Variants in WDFY4 observed in about 807,000 individuals in gnomAD.
The protein encoded by WDFY4 is WD repeat- and FYVE domain-containing protein 4.
Under a neutral mutation model 351.9 loss-of-function variants are expected in WDFY4, and 169 were observed. The observed-to-expected ratio is 0.48, with a 90% CI of 0.42 to 0.55. The LOEUF is 0.55. Among genes scored for constraint, WDFY4 ranks in the 20% least tolerant of loss-of-function variants. The pLI is 0.00. For synonymous variants in WDFY4, 1,622 were observed against 1,574.6 expected, an observed-to-expected ratio of 1.03 and a Z score of -0.71; for missense variants, 3,803 against 3,935.6, an observed-to-expected ratio of 0.97 and a Z score of 0.90.
chr10:48,804,598 G>A (rs1442229493), intron 25 of WDFY4: 1 of 334,864 alleles, frequency 3.0e-6, no homozygotes, highest in African/African-American at 2.3e-5. Flanking sequence ...TTCAAAGTGA[G>A]GAATCTGCCC....
chr10:48,692,137 C>A (rs1366710076), intron 1 of WDFY4, among the ~76,000 whole-genome samples: 1 of 152,224 alleles, frequency 6.6e-6, no homozygotes, highest in Non-Finnish European at 1.5e-5. Flanking sequence ...TCCACGTGGT[C>A]TCAGCCTTCG....
At chr10:48,772,736 C>T (rs894152788) in intron 13 of WDFY4, among the ~76,000 whole-genome samples, 1 of 148,826 alleles carries the variant, frequency 6.7e-6, no homozygotes, top group African/African-American at 2.5e-5. Context: ...GTGCTATTCC[C>T]CTTCCTGTGT....
chr10:48,769,943 C>T (rs1388195208), intron 13 of WDFY4, among the ~76,000 whole-genome samples: 1 of 152,242 alleles, frequency 6.6e-6, no homozygotes, highest in Non-Finnish European at 1.5e-5. Flanking sequence ...TGACCCTGTG[C>T]TCTTACCACT....
chr10:48,868,389 C>T (rs558090314), intron 40 of WDFY4, among the ~76,000 whole-genome samples: 2 of 152,210 alleles, frequency 1.3e-5, no homozygotes, highest in South Asian at 4.2e-4. Flanking sequence ...GCAGGCATGT[C>T]TAGTTTTTCT....
At chr10:48,802,828 G>T (rs772342800) in intron 24 of WDFY4, 2 of 475,300 alleles carry the variant, frequency 4.2e-6, no homozygotes, top group South Asian at 3.1e-5. Context: ...ATCTGTACCT[G>T]GCTTCTATTT....
At position 48,830,890 on chromosome 10, in the gene WDFY4, C is replaced by T. The variant is rs926350198; in HGVS notation, c.6526+5C>T. 8 of 1,549,026 alleles carry T rather than the reference C, an allele frequency of 5.2e-6. No homozygotes were observed. In the African/African-American group the frequency reaches 9.6e-5, roughly 19 times the overall value. On this transcript the variant is annotated splice_donor_5th_base_variant and intron_variant, in intron 38 of 61. Transcript: ENST00000325239. ...AGGCCTGGCAGCATTACTTAGGTCT[C>T]TATCCACTCGGCTCCAGGGAATGGG...
chr10:48,881,876 A>G (rs2070264036), intron 43 of WDFY4, among the ~76,000 whole-genome samples: 2 of 151,990 alleles, frequency 1.3e-5, no homozygotes, highest in Admixed American at 6.6e-5. Context: ...GCCCATCCCC[A>G]GCATACTCCC....
At chr10:48,955,715 G>C (rs1841555255) in intron 51 of WDFY4, among the ~76,000 whole-genome samples, 1 of 152,206 alleles carries the variant, frequency 6.6e-6, no homozygotes, top group Non-Finnish European at 1.5e-5. Context: ...TCTGAGCATG[G>C]ACCAGACATG....
chr10:48,819,018 C>G lies in WDFY4; in HGVS notation c.5506-1216C>G, dbSNP rs150405075. Among the ~76,000 whole-genome samples the G allele has an allele frequency of 7.8e-3, 1,190 of 152,316 alleles. 14 individuals carry two copies. Among genetic ancestry groups the G allele is most frequent in the African/African-American group, 0.027 (1,114 of 41,570 alleles). On this transcript the variant is annotated intron_variant, in intron 32 of 61. Coordinates refer to ENST00000325239, the MANE Select transcript of WDFY4 (RefSeq NM_001394531.1). ...CAGATGCCCAGCTCAGCCCCCATGC[C>G]CAAGGGCCAGGCTCGCCATCTGCTG...
At chr10:48,723,909 T>C (rs1253919968) in intron 5 of WDFY4, among the ~76,000 whole-genome samples, 1 of 152,078 alleles carries the variant, frequency 6.6e-6, no homozygotes, top group Non-Finnish European at 1.5e-5. Flanking sequence ...GCATGGGGTC[T>C]GGGGTCATAG....
chr10:48,845,799 C>T (rs1037894275), intron 39 of WDFY4, among the ~76,000 whole-genome samples: 3 of 147,114 alleles, frequency 2.0e-5, no homozygotes, highest in Non-Finnish European at 4.5e-5. Flanking sequence ...AAAGTCAATT[C>T]CTAGGAAATT....
At chr10:48,915,387 T>A (rs975637830) in intron 47 of WDFY4, among the ~76,000 whole-genome samples, 6 of 150,604 alleles carry the variant, frequency 4.0e-5, no homozygotes, top group African/African-American at 1.2e-4. Flanking sequence ...CCTTTTCTTT[T>A]TAAAGGCCTC....
intron 43 of WDFY4, among the ~76,000 whole-genome samples, chr10:48,889,209 C>T (rs1490541429): frequency 1.3e-5 from 2 of 152,366 alleles, no homozygotes; most frequent in East Asian, 3.9e-4. Context: ...AACAGAGGCT[C>T]TCGGCTGGTC....
intron 39 of WDFY4, among the ~76,000 whole-genome samples, chr10:48,842,422 G>A (rs2068638881): frequency 6.6e-6 from 1 of 152,112 alleles, no homozygotes; most frequent in Non-Finnish European, 1.5e-5. Context: ...GTCGCCAGGT[G>A]TGTCCTGACT....
chr10:48,804,723 T>A lies in WDFY4; in HGVS notation c.4485-537T>A, dbSNP rs769577996. 106 of 985,094 alleles carry A rather than the reference T, an allele frequency of 1.1e-4. 1 individual carries two copies. The highest frequency in any genetic ancestry group is 2.5e-4 in the Admixed American group (4 of 16,266). The allele number at this position is 985,094 out of a possible 1,614,324, so 61.0% of individuals were successfully genotyped here. A position where few individuals can be genotyped will look rare whatever the true frequency, so the allele number is the denominator to read the frequency against. On this transcript the variant is annotated intron_variant, in intron 25 of 61. Transcript: ENST00000325239. ...AACAGATATTTATCCTGGGAGCTGT[T>A]TTCTTTGGGGGAGTAGAATTTACTG...
chr10:48,848,283 T>C (rs2068844184), intron 39 of WDFY4, among the ~76,000 whole-genome samples: 1 of 152,224 alleles, frequency 6.6e-6, no homozygotes, highest in African/African-American at 2.4e-5. Flanking sequence ...CATCTCCTGG[T>C]GTTCTCATTA....
intron 18 of WDFY4, among the ~76,000 whole-genome samples, chr10:48,779,425 T>C (rs948902177): frequency 5.3e-5 from 8 of 152,220 alleles, no homozygotes; most frequent in Admixed American, 3.3e-4. Context: ...CCACTTGTTC[T>C]TCTCCTGTGT....
Position 48,873,422 on chromosome 10 carries a change from G to T in WDFY4, c.6742-69G>T, listed in dbSNP as rs890201271. 5 of 1,455,252 alleles carry T rather than the reference G, an allele frequency of 3.4e-6. No homozygotes were observed. In the South Asian group the frequency reaches 4.4e-5, roughly 13 times the overall value. 90.1% of individuals were successfully genotyped at this position (1,455,252 alleles called of 1,614,324 possible). On this transcript the variant is annotated intron_variant, in intron 40 of 61. Transcript: ENST00000325239. ...GAGACTTGGCTTATTCACCCCAGGA[G>T]GTTTGGGGCCAGGCCCATAAGGCCC...
At chr10:48,942,268 A>G (rs1336776268) in intron 48 of WDFY4, among the ~76,000 whole-genome samples, 1 of 152,124 alleles carries the variant, frequency 6.6e-6, no homozygotes, top group East Asian at 1.9e-4. Context: ...CCCAGCTGGG[A>G]TCTTATTTTT....
Sources: allele counts gnomAD v4.1 joint callset (sites outside exome capture counted in the v4.1 genomes callset), GRCh38; gene constraint gnomAD v4.1.1; transcripts MANE v1.5; gene names NCBI Gene and HGNC (gene_info 2026-07-23, HGNC 2026-07-21).